Variants in CYFIP2 observed in about 807,000 individuals in gnomAD.
CYFIP2 encodes the protein cytoplasmic FMR1 interacting protein 2, also known as cytoplasmic FMR1-interacting protein 2.
In CYFIP2, 29 loss-of-function variants were observed where a neutral mutation model predicts 158.7. The observed-to-expected ratio is 0.18, with a 90% CI of 0.14 to 0.25. CYFIP2 has a LOEUF of 0.25. CYFIP2 is among the 10% of genes least tolerant of loss of function. The probability of loss-of-function intolerance (pLI) is 1.00; values close to 1 mark genes in which losing one functional copy is unlikely to be tolerated. For missense variants in CYFIP2, 852 were observed against 1,639.5 expected (o/e 0.52, Z 8.29); for synonymous variants, 585 against 617.6 (o/e 0.95, Z 0.78).
At chr5:157,343,507 A>G (rs1321291282) in intron 23 of CYFIP2, 2 of 1,584,112 alleles carry the variant, frequency 1.3e-6, no homozygotes, top group Non-Finnish European at 1.7e-6. Flanking sequence ...TGGCTCCTGT[A>G]TAAGAAATGT....
At chr5:157,378,041 C>T (rs1385620394) in intron 26 of CYFIP2, among the ~76,000 whole-genome samples, 1 of 152,048 alleles carries the variant, frequency 6.6e-6, no homozygotes, top group African/African-American at 2.4e-5. Context: ...TTGGAAGACT[C>T]CTAGAAGGTA....
chr5:157,392,957 G>A lies in CYFIP2; in HGVS notation c.3719G>A (p.Cys1240Tyr). 2 of 1,613,916 alleles carry A rather than the reference G, an allele frequency of 1.2e-6. No homozygotes were observed. The highest frequency in any genetic ancestry group is 1.7e-6 in the Non-Finnish European group (2 of 1,179,850). Reference protein sequence around the residue: ...TDSSTVEHVRCFQPPIHQSLA... With the variant: ...TDSSTVEHVRYFQPPIHQSLA... ...AGTTCCACTGTGGAGCATGTGCGCTGCTTCCAGCCACCCATCCACCAGTCC... is the reference window on the plus strand; with the variant it reads ...AGTTCCACTGTGGAGCATGTGCGCTACTTCCAGCCACCCATCCACCAGTCC... The change falls in exon 31 of 31, where the codon TGC (cysteine) becomes TAC (tyrosine). Residue 1240 changes from cysteine to tyrosine, a missense_variant. By Grantham distance (194) the Cys-to-Tyr change is radical. This residue lies in a region of CYFIP2 where 223 missense variants were observed against 381.6 expected (regional missense o/e 0.58). Coordinates refer to ENST00000620254, the MANE Select transcript of CYFIP2 (RefSeq NM_001037333.3).
rs1761006100 is a variant in CYFIP2 at position 157,326,173 on chromosome 5, A to T, written c.1985A>T (p.Tyr662Phe). Reference sequence around the variant, plus strand: ...TGGCTGTGTTTTTCCCTCTTCAGGTATGTCCTCTACCCTCTGGATCTGTAC... The same window carrying T: ...TGGCTGTGTTTTTCCCTCTTCAGGTTTGTCCTCTACCCTCTGGATCTGTAC... ...LETKEPSMME[Y>F]VLYPLDLYND... The change falls in exon 18 of 31, where the codon TAT becomes TTT. Residue 662 changes from tyrosine to phenylalanine, a missense_variant and splice_region_variant. Coordinates refer to ENST00000620254, the MANE Select transcript of CYFIP2 (RefSeq NM_001037333.3). 6.2e-7 allele frequency: 1 copy of T among 1,612,964 alleles called. No homozygotes were observed. Among genetic ancestry groups the T allele is most frequent in the East Asian group, 2.2e-5 (1 of 44,872 alleles).
intron 26 of CYFIP2, among the ~76,000 whole-genome samples, chr5:157,379,668 C>CAAAAAAAAAAAAAAAAA (rs70984468): frequency 4.1e-5 from 3 of 73,652 alleles, no homozygotes; most frequent in African/African-American, 1.6e-4. Context: ...GACCCTGTCT[C>CAAAAAAAAAAAAAAAAA]AAAAAAAAAA....
intron 23 of CYFIP2, among the ~76,000 whole-genome samples, chr5:157,357,089 C>T (rs113676559): frequency 6.6e-6 from 1 of 152,178 alleles, no homozygotes; most frequent in African/African-American, 2.4e-5. Flanking sequence ...CAAAATTTTG[C>T]TCCTTCTCAC....
intron 11 of CYFIP2, among the ~76,000 whole-genome samples, 154 bp from the exon 12 acceptor site, chr5:157,314,190 T>C (rs1019189022): frequency 5.9e-5 from 9 of 152,246 alleles, no homozygotes; most frequent in Non-Finnish European, 4.4e-5. Flanking sequence ...ATAAACCATG[T>C]GGCCTTCAGC....
intron 28 of CYFIP2, chr5:157,384,167 G>T (rs1304305008): frequency 2.5e-6 from 1 of 401,950 alleles, no homozygotes; most frequent in African/African-American, 2.1e-5. Flanking sequence ...TTAAAAACCA[G>T]TACGAGTCAC....
intron 23 of CYFIP2, chr5:157,342,545 G>A (rs200604935): frequency 4.9e-5 from 4 of 82,418 alleles, no homozygotes; most frequent in Non-Finnish European, 5.7e-5. Flanking sequence ...TGTTTTATTT[G>A]TCATGCAAAT....
intron 1 of CYFIP2, among the ~76,000 whole-genome samples, chr5:157,274,667 G>A (rs1463685535): frequency 6.6e-6 from 1 of 152,084 alleles, no homozygotes; most frequent in Non-Finnish European, 1.5e-5. Flanking sequence ...CCAAAGTTGC[G>A]GCACCATCTT....
At chr5:157,270,798 T>C (rs1331005765) in intron 1 of CYFIP2, among the ~76,000 whole-genome samples, 1 of 152,202 alleles carries the variant, frequency 6.6e-6, no homozygotes, top group Non-Finnish European at 1.5e-5. Context: ...TATTTTAACT[T>C]TCTTGTTAAT....
intron 19 of CYFIP2, among the ~76,000 whole-genome samples, chr5:157,330,483 G>T (rs577066816): frequency 1.3e-5 from 2 of 152,230 alleles, no homozygotes; most frequent in East Asian, 3.9e-4. Context: ...AATTGCTTTT[G>T]CAGTAAATGA....
chr5:157,300,914 C>T lies in CYFIP2; in HGVS notation c.569+18C>T, dbSNP rs574422657. On this transcript the variant is annotated intron_variant, in intron 6 of 30. Coordinates refer to ENST00000620254, the MANE Select transcript of CYFIP2 (RefSeq NM_001037333.3). ...TACAAGAGGTCAGGGCAACCTCCCC[C>T]TCTCCCCTTTCCCCATCCAGGCCCC... 3.3e-6 allele frequency: 5 copies of T among 1,532,626 alleles called. No homozygotes were observed. The highest frequency in any genetic ancestry group is 4.4e-6 in the Non-Finnish European group (5 of 1,132,174). The allele number at this position is 1,532,626 out of a possible 1,614,324, so 94.9% of individuals were successfully genotyped here. A position where few individuals can be genotyped will look rare whatever the true frequency, so the allele number is the denominator to read the frequency against.
chr5:157,308,006 AGAG>A (rs1487501167), intron 9 of CYFIP2, 141 bp downstream of exon 9: 15 of 598,112 alleles, frequency 2.5e-5, no homozygotes, highest in Admixed American at 1.1e-4. Context: ...AAGAGTAGGA[AGAG>A]GAGGAGAATA....
At chr5:157,310,368 C>T (rs1228604374) in intron 10 of CYFIP2, among the ~76,000 whole-genome samples, 1 of 152,166 alleles carries the variant, frequency 6.6e-6, no homozygotes, top group Admixed American at 6.5e-5. Flanking sequence ...GTCTCTGAGG[C>T]TGTTAGGGAG....
intron 26 of CYFIP2, among the ~76,000 whole-genome samples, chr5:157,368,253 T>G (rs1425973126): frequency 6.6e-6 from 1 of 152,192 alleles, no homozygotes; most frequent in African/African-American, 2.4e-5. Flanking sequence ...TTGTTTAGAT[T>G]TATTGCACTA....
chr5:157,325,665 T>G (rs1255357392), intron 17 of CYFIP2, 27 bp downstream of exon 17: 1 of 1,573,888 alleles, frequency 6.4e-7, no homozygotes, highest in African/African-American at 1.4e-5. Context: ...GGCCAGCAAG[T>G]GGCTCCTGGG....
chr5:157,382,090 C>T (rs1472453382), intron 26 of CYFIP2, among the ~76,000 whole-genome samples: 2 of 152,180 alleles, frequency 1.3e-5, no homozygotes, highest in Admixed American at 6.5e-5. Context: ...GTTCTCGTCC[C>T]TCTTTTCTTG....
At chr5:157,348,296 G>T (rs143224109) in intron 23 of CYFIP2, among the ~76,000 whole-genome samples, 1 of 152,224 alleles carries the variant, frequency 6.6e-6, no homozygotes, top group Non-Finnish European at 1.5e-5. Context: ...TCCCAGGCTG[G>T]AGTGCAGTGG....
intron 9 of CYFIP2, among the ~76,000 whole-genome samples, chr5:157,309,340 A>G (rs1239945777): frequency 6.6e-6 from 1 of 152,240 alleles, no homozygotes; most frequent in African/African-American, 2.4e-5. Context: ...TTTCTCAGGA[A>G]GACCAACAGC....
Sources: gnomAD v4.1 joint callset for allele counts (sites outside exome capture counted in the v4.1 genomes callset) on GRCh38, gnomAD v4.1.1 for gene constraint, gnomAD v4.1.1 regional missense constraint, MANE v1.5 for transcripts, NCBI Gene and HGNC (gene_info 2026-07-23, HGNC 2026-07-21) for gene names.